Variants in UBE2D2 observed in about 807,000 individuals in gnomAD.
The protein encoded by UBE2D2 is ubiquitin-conjugating enzyme E2 D2.
Under a neutral mutation model 24.2 loss-of-function variants are expected in UBE2D2, and 2 were observed. The ratio of observed to expected loss-of-function variants is 0.08; its 90% CI spans 0.03 to 0.26. The LOEUF (loss-of-function observed/expected upper bound fraction) is 0.26. Ranked by LOEUF, UBE2D2 falls within the 10% of genes least tolerant of loss-of-function variation. UBE2D2 has a pLI of 1.00. For missense variants in UBE2D2, 44 were observed against 177.6 expected, an observed-to-expected ratio of 0.25 and a Z score of 4.28; for synonymous variants, 58 against 56.5, an observed-to-expected ratio of 1.03 and a Z score of -0.12.
chr5:139,541,671 G>A (rs1752764302), intron 1 of UBE2D2, among the ~76,000 whole-genome samples: 1 of 150,964 alleles, frequency 6.6e-6, no homozygotes, highest in Non-Finnish European at 1.5e-5. Flanking sequence ...CTACTCAGTA[G>A]CTGAGGTGGG....
At chr5:139,533,639 T>C (rs1451591980) in intron 1 of UBE2D2, among the ~76,000 whole-genome samples, 1 of 149,246 alleles carries the variant, frequency 6.7e-6, no homozygotes, top group Non-Finnish European at 1.5e-5. Context: ...CAACAAGAGC[T>C]AAACTCCGTC....
chr5:139,598,206 CT>C (rs375905990), intron 1 of UBE2D2, among the ~76,000 whole-genome samples: 1 of 152,084 alleles, frequency 6.6e-6, no homozygotes, highest in Non-Finnish European at 1.5e-5. Flanking sequence ...CTTTTTCAAA[CT>C]TTATTTCTGT....
chr5:139,538,485 A>G (rs1561496345), intron 1 of UBE2D2, among the ~76,000 whole-genome samples: 1 of 152,222 alleles, frequency 6.6e-6, no homozygotes, highest in Non-Finnish European at 1.5e-5. Context: ...AACCTAGAAG[A>G]CATCATGCTA....
intron 1 of UBE2D2, among the ~76,000 whole-genome samples, chr5:139,541,025 C>T (rs1176218189): frequency 2.0e-5 from 3 of 151,038 alleles, no homozygotes; most frequent in East Asian, 3.9e-4. Context: ...CAGCTGGGCA[C>T]GGTAGCTCAT....
At chr5:139,615,277 G>A (rs575556826) in intron 5 of UBE2D2, among the ~76,000 whole-genome samples, 1 of 152,314 alleles carries the variant, frequency 6.6e-6, no homozygotes, top group East Asian at 1.9e-4. Flanking sequence ...AAGGTCAGCA[G>A]ATCGAGACCA....
chr5:139,585,196 G>A (rs1341578579), intron 1 of UBE2D2, among the ~76,000 whole-genome samples: 9 of 150,858 alleles, frequency 6.0e-5, no homozygotes, highest in East Asian at 5.8e-4. Flanking sequence ...CACGGTGCCC[G>A]GCTGCGTGCA....
chr5:139,599,352 G>C (rs1164853277), intron 1 of UBE2D2, among the ~76,000 whole-genome samples: 2 of 152,072 alleles, frequency 1.3e-5, no homozygotes, highest in Admixed American at 1.3e-4. Flanking sequence ...ATGACTTTAG[G>C]AGCTTGTCCC....
intron 1 of UBE2D2, among the ~76,000 whole-genome samples, chr5:139,533,510 C>T (rs977674434): frequency 2.0e-5 from 3 of 151,732 alleles, no homozygotes; most frequent in African/African-American, 7.3e-5. Flanking sequence ...ATTAGCTGGG[C>T]GTGGTGTCTG....
chr5:139,556,475 A>C (rs548609668), upstream of UBE2D2, among the ~76,000 whole-genome samples: 1 of 152,272 alleles, frequency 6.6e-6, no homozygotes, highest in East Asian at 1.9e-4. Flanking sequence ...TAAAGTAGGT[A>C]GAAATAACAG....
chr5:139,622,824 A>G (rs1754539340), intron 5 of UBE2D2, among the ~76,000 whole-genome samples: 2 of 151,942 alleles, frequency 1.3e-5, no homozygotes, highest in Admixed American at 6.6e-5. Flanking sequence ...TGAGAGGCGG[A>G]GCTTGCAGTG....
intron 1 of UBE2D2, among the ~76,000 whole-genome samples, chr5:139,548,193 A>AAAAAAAAAAAAAAAAAATAAAAT: frequency 2.1e-5 from 1 of 47,104 alleles, no homozygotes; most frequent in Admixed American, 2.4e-4. Flanking sequence ...ATAAAAAAAA[A>AAAAAAAAAAAAAAAAAATAAAAT]AAATAAATAA....
chr5:139,542,891 CAT>C (rs1463410735), intron 1 of UBE2D2, among the ~76,000 whole-genome samples: 1 of 152,066 alleles, frequency 6.6e-6, no homozygotes, highest in Non-Finnish European at 1.5e-5. Context: ...TTTACACAAA[CAT>C]ATGTAACTTT....
intron 1 of UBE2D2, among the ~76,000 whole-genome samples, chr5:139,552,793 C>T (rs1389833314): frequency 2.6e-5 from 4 of 151,052 alleles, no homozygotes; most frequent in East Asian, 2.0e-4. Context: ...AGCGATTCTC[C>T]TTCCTCAGCC....
At chr5:139,612,773 C>T (rs911449308) in intron 2 of UBE2D2, among the ~76,000 whole-genome samples, 4 of 152,032 alleles carry the variant, frequency 2.6e-5, no homozygotes, top group Non-Finnish European at 4.4e-5. Context: ...TGCATGCATG[C>T]GTGTGAGCAT....
chr5:139,608,747 A>G (rs964254818), intron 2 of UBE2D2, among the ~76,000 whole-genome samples: 1 of 152,188 alleles, frequency 6.6e-6, no homozygotes, highest in African/African-American at 2.4e-5. Context: ...TTGTGTTAGT[A>G]GGAAGAACAG....
At chr5:139,556,236 CAA>C (rs572216597), upstream of UBE2D2, among the ~76,000 whole-genome samples, 18 of 117,844 alleles carry the variant, frequency 1.5e-4, no homozygotes, top group Admixed American at 1.8e-4. Context: ...AACTCCATCT[CAA>C]AAAAAAAAAA....
At chr5:139,543,210 A>G (rs773955640) in intron 1 of UBE2D2, among the ~76,000 whole-genome samples, 4 of 152,156 alleles carry the variant, frequency 2.6e-5, no homozygotes, top group Admixed American at 6.6e-5. Context: ...TACTTTTTAA[A>G]TTAAACAAAA....
chr5:139,541,376 C>A (rs553761425), intron 1 of UBE2D2, among the ~76,000 whole-genome samples: 1 of 149,236 alleles, frequency 6.7e-6, no homozygotes, highest in Non-Finnish European at 1.5e-5. Context: ...CCGAGGTGGG[C>A]GGATCACAAG....
intron 1 of UBE2D2, among the ~76,000 whole-genome samples, chr5:139,544,168 CTTT>C (rs33938446): frequency 1.5e-5 from 2 of 136,596 alleles, no homozygotes; most frequent in Non-Finnish European, 1.6e-5. Flanking sequence ...TTCTTTCTTT[CTTT>C]TTTTTTTTTT....
Sources: gnomAD v4.1 joint callset for allele counts (sites outside exome capture counted in the v4.1 genomes callset) on GRCh38, gnomAD v4.1.1 for gene constraint, MANE v1.5 for transcripts, NCBI Gene and HGNC (gene_info 2026-07-23, HGNC 2026-07-21) for gene names.